PARVA: variants seen among roughly 807,000 people sequenced by gnomAD.
PARVA encodes parvin alpha, also known as alpha-parvin.
PARVA carries 25 observed loss-of-function variants against 52.6 expected under a neutral mutation model. The ratio of observed to expected loss-of-function variants is 0.48; its 90% CI spans 0.35 to 0.66. PARVA has a LOEUF of 0.66. Among genes scored for constraint, PARVA ranks in the 30% least tolerant of loss-of-function variants. The pLI, the probability that PARVA is intolerant of heterozygous loss-of-function variation, is 0.01. For synonymous variants in PARVA, 185 were observed against 179.1 expected (o/e 1.03, Z -0.26); for missense variants, 373 against 450.9 (o/e 0.83, Z 1.56).
At chr11:12,433,934 C>T (rs934357646) in intron 1 of PARVA, among the ~76,000 whole-genome samples, 7 of 152,080 alleles carry the variant, frequency 4.6e-5, no homozygotes, top group Non-Finnish European at 7.4e-5. Context: ...CCAAGAATGA[C>T]GGGGAAGCTG....
rs868537307 is a variant in PARVA, at chr11:12,393,062, A to G, written c.136+15279A>G. 5.8e-4 allele frequency among the ~76,000 whole-genome samples: 88 copies of G among 151,556 alleles called. 1 individual carries two copies. Among genetic ancestry groups the G allele is most frequent in the Middle Eastern group, 6.8e-3 (2 of 294 alleles). ...AAATTGTGAAAAAAAAAAAAAAAAA[A>G]AAAAAGAAAGAAAAAAAATACCAGA... On this transcript the variant is annotated intron_variant, in intron 1 of 12. Coordinates refer to ENST00000334956, the MANE Select transcript of PARVA (RefSeq NM_018222.5).
At chr11:12,408,225 G>A (rs1489094316) in intron 1 of PARVA, among the ~76,000 whole-genome samples, 2 of 151,782 alleles carry the variant, frequency 1.3e-5, no homozygotes, top group East Asian at 3.9e-4. Flanking sequence ...AGCCTTTCCT[G>A]TCGCAGCAGT....
upstream of PARVA, chr11:12,377,509 C>T (rs1055341855): frequency 2.8e-6 from 4 of 1,416,948 alleles, no homozygotes; most frequent in African/African-American, 3.0e-5. Flanking sequence ...AAGGGAAAGG[C>T]GAGCGTGAGC....
intron 1 of PARVA, among the ~76,000 whole-genome samples, chr11:12,440,428 C>A (rs1464008505): frequency 6.6e-6 from 1 of 152,174 alleles, no homozygotes; most frequent in Non-Finnish European, 1.5e-5. Flanking sequence ...CATTTGGGTT[C>A]CTGTGCCCGT....
At position 12,529,546 on chromosome 11, in the gene PARVA, T is replaced by C. The variant is rs1038186195; in HGVS notation, c.*1621T>C. 1 of 152,188 alleles carries C rather than the reference T, an allele frequency of 6.6e-6. No homozygotes were observed. Among genetic ancestry groups the C allele is most frequent in the East Asian group, 1.9e-4 (1 of 5,204 alleles). 9.4% of individuals were successfully genotyped at this position (152,188 alleles called of 1,614,324 possible). ...CAGCCCAAGTACCCTCCTCCAGAAG[T>C]CTGTGACTACCTTGTCACTACTTTA... is the stretch of plus-strand genomic sequence containing the variant. On this transcript the variant is annotated 3_prime_UTR_variant, in exon 13 of 13. Coordinates refer to ENST00000334956, the MANE Select transcript of PARVA (RefSeq NM_018222.5).
intron 1 of PARVA, among the ~76,000 whole-genome samples, chr11:12,432,967 T>C (rs745552211): frequency 2.6e-5 from 4 of 152,220 alleles, no homozygotes; most frequent in Non-Finnish European, 5.9e-5. Context: ...GATGGAATGT[T>C]GCCAGACACG....
chr11:12,480,636 A>G (rs762973769), intron 4 of PARVA: 3 of 152,142 alleles, frequency 2.0e-5, no homozygotes, highest in Non-Finnish European at 4.4e-5. Flanking sequence ...GCGTACAAGC[A>G]GATTAGATCA....
At chr11:12,412,500 GGC>G (rs1375052538) in intron 1 of PARVA, among the ~76,000 whole-genome samples, 1 of 152,200 alleles carries the variant, frequency 6.6e-6, no homozygotes, top group Non-Finnish European at 1.5e-5. Context: ...CACCAGCCCA[GGC>G]CGAGAGGAAG....
At chr11:12,525,048 C>T (rs1941683646) in intron 12 of PARVA, among the ~76,000 whole-genome samples, 1 of 152,196 alleles carries the variant, frequency 6.6e-6, no homozygotes, top group Non-Finnish European at 1.5e-5. Context: ...GTTGTAACAG[C>T]ATAGGCGGAG....
At chr11:12,407,649 C>A (rs947174751) in intron 1 of PARVA, among the ~76,000 whole-genome samples, 3 of 152,146 alleles carry the variant, frequency 2.0e-5, no homozygotes, top group Non-Finnish European at 4.4e-5. Flanking sequence ...TCCTAAATGT[C>A]CCCAGCTGCT....
chr11:12,486,922 G>A (rs1309433328), intron 4 of PARVA, among the ~76,000 whole-genome samples: 2 of 152,202 alleles, frequency 1.3e-5, no homozygotes. Flanking sequence ...AGACTGTATT[G>A]TTTTGGTAGC....
chr11:12,438,737 T>A (rs1331951511), intron 1 of PARVA, among the ~76,000 whole-genome samples: 1 of 152,174 alleles, frequency 6.6e-6, no homozygotes, highest in African/African-American at 2.4e-5. Flanking sequence ...TAGGTATTAT[T>A]GTTCCCATTC....
At chr11:12,483,020 G>C (rs1310488763) in intron 4 of PARVA, among the ~76,000 whole-genome samples, 3 of 152,236 alleles carry the variant, frequency 2.0e-5, no homozygotes, top group African/African-American at 7.2e-5. Context: ...GACTGGCTGG[G>C]TGTTCTCCAA....
At chr11:12,411,946 G>A (rs768478619) in intron 1 of PARVA, among the ~76,000 whole-genome samples, 7 of 152,032 alleles carry the variant, frequency 4.6e-5, no homozygotes, top group African/African-American at 9.7e-5. Flanking sequence ...TAATAGGTCC[G>A]GGCATTGAGG....
At chr11:12,408,126 G>A (rs2134971847) in intron 1 of PARVA, among the ~76,000 whole-genome samples, 1 of 152,250 alleles carries the variant, frequency 6.6e-6, no homozygotes, top group Middle Eastern at 3.4e-3. Flanking sequence ...GCATTCCCCT[G>A]TTGTCACCAC....
rs1362721730 is a variant in PARVA at position 12,396,918 on chromosome 11, CATGTACTTGTTTT to C, written c.136+19136_136+19148del. Among the ~76,000 whole-genome samples, 312 of 121,796 alleles carry C rather than the reference CATGTACTTGTTTT, an allele frequency of 2.6e-3. 3 individuals are homozygous for C. The highest frequency in any genetic ancestry group is 4.6e-3 in the African/African-American group (133 of 28,772). The allele number at this position is 121,796 out of a possible 152,430, so 79.9% of individuals were successfully genotyped here. A position where few individuals can be genotyped will look rare whatever the true frequency, so the allele number is the denominator to read the frequency against. ...CCTTTCTTCCTTTCTCCTTTCCTTT[CATGTACTTGTTTT>C]CTTTCCTTTCCTTTCATGTACTTGT... On this transcript the variant is annotated intron_variant, in intron 1 of 12. Coordinates refer to ENST00000334956, the MANE Select transcript of PARVA (RefSeq NM_018222.5).
At chr11:12,452,115 T>G (rs1018252908) in intron 1 of PARVA, among the ~76,000 whole-genome samples, 2 of 151,934 alleles carry the variant, frequency 1.3e-5, no homozygotes, top group Non-Finnish European at 2.9e-5. Context: ...AGCAATCCAT[T>G]TAGCCCAGGG....
chr11:12,397,872 C>T (rs1939772482), intron 1 of PARVA, among the ~76,000 whole-genome samples: 1 of 150,160 alleles, frequency 6.7e-6, no homozygotes, highest in Admixed American at 6.6e-5. Flanking sequence ...AGATTTCACA[C>T]TCCTCTGGAT....
chr11:12,459,753 TA>T (rs768721163), intron 1 of PARVA, among the ~76,000 whole-genome samples: 24 of 152,228 alleles, frequency 1.6e-4, no homozygotes, highest in Non-Finnish European at 2.9e-4. Flanking sequence ...TTTGAAACTA[TA>T]TATAAAACAT....
Sources: allele counts gnomAD v4.1 joint callset (sites outside exome capture counted in the v4.1 genomes callset), GRCh38; gene constraint gnomAD v4.1.1; transcripts MANE v1.5; gene names NCBI Gene and HGNC (gene_info 2026-07-23, HGNC 2026-07-21).